TENM1: variants seen among roughly 807,000 people sequenced by gnomAD.
TENM1 encodes the protein teneurin-1.
TENM1 carries 35 observed loss-of-function variants against 174.8 expected under a neutral mutation model. The ratio of observed to expected loss-of-function variants is 0.20; its 90% CI spans 0.15 to 0.27. TENM1 has a LOEUF of 0.27. Ranked by LOEUF, TENM1 falls within the 10% of genes least tolerant of loss-of-function variation. TENM1 has a pLI of 1.00. For missense variants in TENM1, 1,633 were observed against 2,130.1 expected (o/e 0.77, Z 4.59); for synonymous variants, 781 against 798.7 (o/e 0.98, Z 0.37).
chrX:124,831,103 CTT>C (rs1183200393), intron 3 of TENM1, among the ~76,000 whole-genome samples: 1 of 111,605 alleles, frequency 9.0e-6, no homozygotes, highest in Non-Finnish European at 1.9e-5. Context: ...ACTCTCACGA[CTT>C]TATTTTCTGT....
At chrX:124,581,060 C>CT (rs1202109466) in intron 11 of TENM1, among the ~76,000 whole-genome samples, 4,136 of 63,911 alleles carry the variant, frequency 0.065, 288 homozygotes, top group Non-Finnish European at 0.088. Context: ...ATACTTAGTT[C>CT]TTTTTTTTTT....
the TENM1 span, among the ~76,000 whole-genome samples, chrX:125,121,596 T>A: frequency 9.0e-6 from 1 of 111,701 alleles, no homozygotes; most frequent in African/African-American, 3.3e-5. Flanking sequence ...TATGAGAAAA[T>A]TTTCTCTAAC....
chrX:125,042,078 C>T, the TENM1 span, among the ~76,000 whole-genome samples: 1 of 111,656 alleles, frequency 9.0e-6, no homozygotes. Context: ...CTGAATATAT[C>T]GTATACTTCA....
At chrX:124,686,637 A>G (rs1254694591) in intron 5 of TENM1, among the ~76,000 whole-genome samples, 1 of 112,130 alleles carries the variant, frequency 8.9e-6, no homozygotes, top group Non-Finnish European at 1.9e-5. Flanking sequence ...AATAAATGTA[A>G]TCCATCACAT....
chrX:125,008,993 A>C, the TENM1 span, among the ~76,000 whole-genome samples: 18 of 110,445 alleles, frequency 1.6e-4, no homozygotes, highest in Non-Finnish European at 3.0e-4. Context: ...AAGAGAAAAC[A>C]GATCCAAAAG....
chrX:124,816,383 T>C (rs187488919), intron 3 of TENM1, among the ~76,000 whole-genome samples: 278 of 112,451 alleles, frequency 2.5e-3, no homozygotes, highest in African/African-American at 8.3e-3. Context: ...ATTCAAAGTA[T>C]ACAATAGTTC....
chrX:124,503,732 G>C, intron 18 of TENM1, 29 bp from the exon 22 acceptor site: 1 of 1,149,831 alleles, frequency 8.7e-7, no homozygotes, highest in Non-Finnish European at 1.2e-6. Context: ...CAGCACATTA[G>C]AAAACTGTAA....
chrX:124,473,868 T>C (rs965889541), intron 22 of TENM1, among the ~76,000 whole-genome samples: 17 of 111,990 alleles, frequency 1.5e-4, no homozygotes, highest in Non-Finnish European at 3.0e-4. Context: ...TGTGAAATAG[T>C]ACGCTGCTAA....
At chrX:124,645,791 T>A (rs1195385698) in intron 9 of TENM1, among the ~76,000 whole-genome samples, 1 of 112,349 alleles carries the variant, frequency 8.9e-6, no homozygotes, top group African/African-American at 3.2e-5. Flanking sequence ...CTATAACACA[T>A]TGTGCAGACC....
At chrX:125,169,893 A>G in the TENM1 span, among the ~76,000 whole-genome samples, 2 of 111,264 alleles carry the variant, frequency 1.8e-5, no homozygotes, top group African/African-American at 6.5e-5. Context: ...TTTTTATTAT[A>G]AAAATCTAGC....
chrX:125,126,670 G>T, the TENM1 span, among the ~76,000 whole-genome samples: 3 of 110,876 alleles, frequency 2.7e-5, no homozygotes, highest in Non-Finnish European at 5.7e-5. Context: ...CCATTACCAT[G>T]GTTGTAATGG....
At chrX:124,436,497 C>CTT (rs1245308655) in intron 23 of TENM1, among the ~76,000 whole-genome samples, 5 of 100,976 alleles carry the variant, frequency 5.0e-5, no homozygotes, top group Middle Eastern at 4.4e-3. Context: ...CTGGCATCTT[C>CTT]TTTTTTTTTT....
chrX:125,061,285 T>C, the TENM1 span, among the ~76,000 whole-genome samples: 3 of 111,609 alleles, frequency 2.7e-5, no homozygotes, highest in Non-Finnish European at 3.8e-5. Context: ...ATGCCAAGCA[T>C]TGTTTCCCTT....
the TENM1 span, among the ~76,000 whole-genome samples, chrX:125,185,068 T>C: frequency 2.0e-5 from 2 of 98,151 alleles, no homozygotes; most frequent in Non-Finnish European, 3.8e-5. Flanking sequence ...TGGACATATA[T>C]AGATAGATAG....
At chrX:124,781,350 G>C (rs764554375) in intron 3 of TENM1, among the ~76,000 whole-genome samples, 34 of 111,302 alleles carry the variant, frequency 3.1e-4, no homozygotes, top group African/African-American at 1.1e-3. Context: ...CTAGCACTCG[G>C]ATTCAGTTTG....
chrX:124,799,797 A>G (rs2055398984), intron 3 of TENM1, among the ~76,000 whole-genome samples: 1 of 111,186 alleles, frequency 9.0e-6, no homozygotes, highest in Admixed American at 9.6e-5. Flanking sequence ...GTTTATTGTG[A>G]GTTTTTAACG....
intron 11 of TENM1, among the ~76,000 whole-genome samples, chrX:124,626,753 G>T (rs1158751837): frequency 9.0e-6 from 1 of 111,703 alleles, no homozygotes; most frequent in Non-Finnish European, 1.9e-5. Flanking sequence ...AAGGGACTGT[G>T]TGAGTTGCTT....
intron 27 of TENM1, among the ~76,000 whole-genome samples, chrX:124,402,612 A>G (rs1294398561): frequency 8.9e-6 from 1 of 112,309 alleles, no homozygotes; most frequent in Non-Finnish European, 1.9e-5. Flanking sequence ...GACAGAAAAC[A>G]GGATGGGTTG....
At chrX:124,873,729 A>T (rs1029092753) in intron 3 of TENM1, among the ~76,000 whole-genome samples, 1 of 111,570 alleles carries the variant, frequency 9.0e-6, no homozygotes, top group African/African-American at 3.3e-5. Flanking sequence ...CAATAAATAC[A>T]GAGTTGTCTC....
Sources: gnomAD v4.1 joint callset for allele counts (sites outside exome capture counted in the v4.1 genomes callset) on GRCh38, gnomAD v4.1.1 for gene constraint, MANE v1.5 for transcripts, NCBI Gene and HGNC (gene_info 2026-07-23, HGNC 2026-07-21) for gene names.